The following RTKN2 variants were observed in gnomAD, a reference collection of about 807,000 sequenced individuals.
The protein encoded by RTKN2 is rhotekin 2.
Under a neutral mutation model 71.5 loss-of-function variants are expected in RTKN2, and 69 were observed. That is an observed-to-expected ratio of 0.96 (90% CI 0.79 to 1.18). The LOEUF (loss-of-function observed/expected upper bound fraction) is 1.18. Ranked by LOEUF, RTKN2 falls within the 50% of genes most tolerant of loss-of-function variation. RTKN2 has a pLI of 0.00. For synonymous variants in RTKN2, 236 were observed against 236.5 expected (o/e 1.00, Z 0.02); for missense variants, 724 against 719.7 (o/e 1.01, Z -0.07).
Position 62,242,789 on chromosome 10 carries a change from C to G in RTKN2, c.317-1594G>C, listed in dbSNP as rs549722910. Among the ~76,000 whole-genome samples, 9 of 151,770 alleles carry G rather than the reference C, an allele frequency of 5.9e-5. No individual in the cohort carries two copies. In the South Asian group the frequency reaches 1.9e-3, roughly 32 times the overall value. On this transcript the variant is annotated intron_variant, in intron 3 of 11. Transcript: ENST00000373789. The stretch of plus-strand genomic sequence containing the variant: ...GGTTTACGGGCATGCACCACCACAC[C>G]CGGCTAATTTTTTGATTTTCAGTAG...
At chr10:62,236,687 C>T (rs1842265867) in intron 5 of RTKN2, among the ~76,000 whole-genome samples, 1 of 152,062 alleles carries the variant, frequency 6.6e-6, no homozygotes, top group South Asian at 2.1e-4. Context: ...TATAAGAATG[C>T]AGCATTATTC....
intron 3 of RTKN2, among the ~76,000 whole-genome samples, chr10:62,242,306 G>A (rs1842393093): frequency 6.6e-6 from 1 of 151,856 alleles, no homozygotes; most frequent in Non-Finnish European, 1.5e-5. Context: ...TGTTTTATTA[G>A]TATTCCATTA....
chr10:62,233,856 G>C (rs954567190), intron 6 of RTKN2, among the ~76,000 whole-genome samples: 2 of 151,998 alleles, frequency 1.3e-5, no homozygotes, highest in Non-Finnish European at 2.9e-5. Context: ...AAAATATTTT[G>C]CTTTTTATAA....
chr10:62,254,324 C>T (rs144663699), intron 2 of RTKN2, among the ~76,000 whole-genome samples: 4 of 152,176 alleles, frequency 2.6e-5, no homozygotes, highest in East Asian at 1.9e-4. Flanking sequence ...CCCATTAGTT[C>T]GCTCGCTCTT....
Position 62,195,631 on chromosome 10 carries a change from GAA to G in RTKN2, c.*2275_*2276del, listed in dbSNP as rs1841313116. On this transcript the variant is annotated 3_prime_UTR_variant, in exon 12 of 12. Coordinates refer to ENST00000373789, the MANE Select transcript of RTKN2 (RefSeq NM_145307.4). ...TGAAGGAAGGAAGGAAGGAAGGAAG[GAA>G]GGAAGGAAGGAAGGAAGGAAGGAAG... is the stretch of plus-strand genomic sequence containing the variant. 2.5e-6 allele frequency: 1 copy of G among 406,476 alleles called. No homozygotes were observed. Among genetic ancestry groups the G allele is most frequent in the African/African-American group, 2.6e-5 (1 of 38,118 alleles). 25.2% of individuals were successfully genotyped at this position (406,476 alleles called of 1,614,324 possible).
At chr10:62,191,481 A>C (rs918048186), downstream of RTKN2, among the ~76,000 whole-genome samples, 1 of 152,222 alleles carries the variant, frequency 6.6e-6, no homozygotes, top group East Asian at 1.9e-4. Flanking sequence ...ACAGCACTTA[A>C]AATGAGATGC....
intron 3 of RTKN2, among the ~76,000 whole-genome samples, chr10:62,245,729 T>A (rs906751962): frequency 2.6e-5 from 4 of 152,180 alleles, no homozygotes; most frequent in African/African-American, 9.6e-5. Context: ...CCTCTGAGTC[T>A]GTAGAAAATA....
Position 62,195,860 on chromosome 10 carries a change from A to G in RTKN2, c.*2048T>C. ...CAGGCTTTTAAATGGTTCTAGGTAA[A>G]AAGGGCTTCAGTCCTGTTTCAAAGT... On this transcript the variant is annotated 3_prime_UTR_variant, in exon 12 of 12. Transcript: ENST00000373789. The G allele has an allele frequency of 1.0e-6, 1 of 985,362 alleles. No homozygotes were observed. Among genetic ancestry groups the G allele is most frequent in the Non-Finnish European group, 1.2e-6 (1 of 829,940 alleles). The allele number at this position is 985,362 out of a possible 1,614,324, so 61.0% of individuals were successfully genotyped here.
intron 9 of RTKN2, among the ~76,000 whole-genome samples, chr10:62,212,237 T>C (rs1432648831): frequency 1.3e-5 from 2 of 151,706 alleles, no homozygotes; most frequent in Non-Finnish European, 2.9e-5. Flanking sequence ...GGCATGGTGG[T>C]AGGTGCCTAT....
chr10:62,247,159 TTATC>T (rs780108094), intron 2 of RTKN2, among the ~76,000 whole-genome samples: 1 of 151,950 alleles, frequency 6.6e-6, no homozygotes, highest in Non-Finnish European at 1.5e-5. Flanking sequence ...AAATGGGACT[TTATC>T]TAAGTAATTT....
intron 6 of RTKN2, among the ~76,000 whole-genome samples, chr10:62,233,184 A>G (rs1290094966): frequency 6.6e-6 from 1 of 152,174 alleles, no homozygotes; most frequent in Non-Finnish European, 1.5e-5. Context: ...AGTTGGATAA[A>G]AGACACTACT....
At chr10:62,198,831 A>G (rs1841383864) in intron 11 of RTKN2, among the ~76,000 whole-genome samples, 1 of 152,180 alleles carries the variant, frequency 6.6e-6, no homozygotes, top group African/African-American at 2.4e-5. Context: ...TCCTGGATTT[A>G]AAACCTTATT....
intron 8 of RTKN2, among the ~76,000 whole-genome samples, chr10:62,217,804 G>A (rs1008510411): frequency 6.6e-6 from 1 of 152,002 alleles, no homozygotes; most frequent in Admixed American, 6.6e-5. Flanking sequence ...GCAGTAGGTG[G>A]CACAGAGGCA....
chr10:62,218,473 A>T (rs4147232), intron 7 of RTKN2, among the ~76,000 whole-genome samples, 172 bp from the exon 8 acceptor site: 111,475 of 152,086 alleles, frequency 0.73, 41,128 homozygotes, highest in East Asian at 0.9. Context: ...GTGCCATATT[A>T]AGTGAGAAAA....
chr10:62,216,361 T>C (rs983534378), intron 9 of RTKN2, among the ~76,000 whole-genome samples: 1 of 151,960 alleles, frequency 6.6e-6, no homozygotes, highest in Non-Finnish European at 1.5e-5. Context: ...AACCATGATA[T>C]TTTGGTTTAG....
chr10:62,229,288 T>TA (rs1842099107), intron 6 of RTKN2, among the ~76,000 whole-genome samples: 1 of 152,158 alleles, frequency 6.6e-6, no homozygotes, highest in African/African-American at 2.4e-5. Flanking sequence ...GTGGGATACC[T>TA]ACTACAAAGA....
chr10:62,247,443 T>C (rs559586422), intron 2 of RTKN2, among the ~76,000 whole-genome samples: 4 of 152,084 alleles, frequency 2.6e-5, no homozygotes, highest in African/African-American at 9.6e-5. Context: ...TGCAGTATAT[T>C]TAAAGCCATA....
Position 62,210,040 on chromosome 10 carries a change from C to T in RTKN2, c.1021-5018G>A, listed in dbSNP as rs544532042. On this transcript the variant is annotated intron_variant, in intron 9 of 11. Coordinates refer to ENST00000373789, the MANE Select transcript of RTKN2 (RefSeq NM_145307.4). Reference sequence around the variant, plus strand: ...TTTAGGTCTTTGAGGAATCAACACACTGTCTTTCACAATGGCTGAACTAAT... The same window carrying T: ...TTTAGGTCTTTGAGGAATCAACACATTGTCTTTCACAATGGCTGAACTAAT... 1.8e-4 allele frequency among the ~76,000 whole-genome samples: 28 copies of T among 152,310 alleles called. No homozygotes were observed. In the South Asian group the frequency reaches 4.6e-3, roughly 25 times the overall value.
At chr10:62,257,765 A>G (rs957756333) in intron 2 of RTKN2, among the ~76,000 whole-genome samples, 15 of 152,196 alleles carry the variant, frequency 9.9e-5, no homozygotes, top group Admixed American at 8.5e-4. Context: ...CAGCATGCAG[A>G]AAAAAAGGTA....
Sources: allele counts gnomAD v4.1 joint callset (sites outside exome capture counted in the v4.1 genomes callset), GRCh38; gene constraint gnomAD v4.1.1; transcripts MANE v1.5; gene names NCBI Gene and HGNC (gene_info 2026-07-23, HGNC 2026-07-21).